NRF1: variants seen among roughly 807,000 people sequenced by gnomAD.
NRF1 encodes nuclear respiratory factor 1, also known as alpha palindromic-binding protein.
In NRF1, 5 loss-of-function variants were observed where a neutral mutation model predicts 58.5. The ratio of observed to expected loss-of-function variants is 0.09; its 90% CI spans 0.04 to 0.18. The LOEUF (loss-of-function observed/expected upper bound fraction) is 0.18. Ranked by LOEUF, NRF1 falls within the 10% of genes least tolerant of loss-of-function variation. NRF1 has a pLI of 1.00. For missense variants in NRF1, 288 were observed against 657.7 expected (o/e 0.44, Z 6.15); for synonymous variants, 224 against 246.7 (o/e 0.91, Z 0.86).
chr7:129,656,922 A>C (rs1412621973), intron 1 of NRF1, among the ~76,000 whole-genome samples: 4 of 152,182 alleles, frequency 2.6e-5, no homozygotes, highest in Admixed American at 2.0e-4. Flanking sequence ...TTTTGGGAAA[A>C]AAGTTATTTG....
At chr7:129,689,214 C>G (rs1020580046) in intron 4 of NRF1, among the ~76,000 whole-genome samples, 2 of 152,070 alleles carry the variant, frequency 1.3e-5, no homozygotes, top group African/African-American at 4.8e-5. Context: ...ACCATGTAGC[C>G]AGTAATAATA....
At chr7:129,719,459 G>A (rs1303267513) in intron 9 of NRF1, among the ~76,000 whole-genome samples, 2 of 148,984 alleles carry the variant, frequency 1.3e-5, no homozygotes, top group Non-Finnish European at 3.0e-5. Flanking sequence ...AAAGAAGTAT[G>A]GCCAGAGATT....
intron 4 of NRF1, among the ~76,000 whole-genome samples, chr7:129,682,652 A>G (rs890408238): frequency 1.7e-4 from 25 of 144,486 alleles, no homozygotes; most frequent in Non-Finnish European, 2.9e-4. Flanking sequence ...AAAAAAAAAA[A>G]GGATCTGGGT....
At chr7:129,695,393 A>G (rs1802664317) in intron 5 of NRF1, among the ~76,000 whole-genome samples, 2 of 152,152 alleles carry the variant, frequency 1.3e-5, no homozygotes, top group South Asian at 4.1e-4. Flanking sequence ...CCTGGCCAAC[A>G]TGGCAAAACC....
chr7:129,744,051 G>C, intron 10 of NRF1: 1 of 820,706 alleles, frequency 1.2e-6, no homozygotes, highest in Non-Finnish European at 1.9e-6. Context: ...TGGAAGGAGC[G>C]AGGCTGTGCA....
At chr7:129,742,383 A>G (rs2116299413) in intron 10 of NRF1, among the ~76,000 whole-genome samples, 1 of 151,958 alleles carries the variant, frequency 6.6e-6, no homozygotes, top group East Asian at 1.9e-4. Context: ...GCTGTGAGTG[A>G]GACTACAAAG....
chr7:129,690,333 T>C, intron 4 of NRF1, 73 bp from the exon 5 acceptor site: 2 of 1,523,906 alleles, frequency 1.3e-6, no homozygotes, highest in Non-Finnish European at 1.8e-6. Flanking sequence ...CCCCACCCAC[T>C]CTCTTGTTGC....
chr7:129,612,441 G>A (rs1192544796), intron 1 of NRF1, among the ~76,000 whole-genome samples: 1 of 152,212 alleles, frequency 6.6e-6, no homozygotes, highest in Non-Finnish European at 1.5e-5. Flanking sequence ...AGGTAGACTG[G>A]GGGACGCTGG....
intron 10 of NRF1, among the ~76,000 whole-genome samples, chr7:129,749,863 T>G (rs1355341023): frequency 6.6e-6 from 1 of 151,820 alleles, no homozygotes; most frequent in Non-Finnish European, 1.5e-5. Context: ...TACTTTTGAG[T>G]TCAAATAAAA....
At chr7:129,629,241 C>T (rs1800992992) in intron 1 of NRF1, among the ~76,000 whole-genome samples, 1 of 150,862 alleles carries the variant, frequency 6.6e-6, no homozygotes, top group African/African-American at 2.4e-5. Flanking sequence ...AAAAAAGCAG[C>T]TAATTCAGCT....
intron 8 of NRF1, among the ~76,000 whole-genome samples, chr7:129,712,060 A>T (rs1409682161): frequency 6.6e-6 from 1 of 152,246 alleles, no homozygotes; most frequent in African/African-American, 2.4e-5. Context: ...TGGGATAATT[A>T]TGGGACATTA....
At chr7:129,730,581 T>C (rs960143851) in intron 10 of NRF1, among the ~76,000 whole-genome samples, 5 of 152,154 alleles carry the variant, frequency 3.3e-5, no homozygotes, top group African/African-American at 1.2e-4. Context: ...AGAGGACCAC[T>C]GCATGTGGAG....
intron 4 of NRF1, among the ~76,000 whole-genome samples, chr7:129,681,352 G>A (rs772616747): frequency 6.6e-6 from 1 of 152,176 alleles, no homozygotes; most frequent in African/African-American, 2.4e-5. Context: ...GTGGTGATTT[G>A]TGGGAGCCAT....
At chr7:129,736,619 T>G (rs188897366) in intron 10 of NRF1, among the ~76,000 whole-genome samples, 3 of 133,330 alleles carry the variant, frequency 2.3e-5, no homozygotes, top group Non-Finnish European at 3.2e-5. Context: ...TATTTTTTTT[T>G]GGTATCTATA....
At position 129,756,440 on chromosome 7, in the gene NRF1, C is replaced by CAA. The variant is rs1804256697; in HGVS notation, c.*1259_*1260insAA. 6.6e-6 allele frequency: 1 copy of CAA among 152,436 alleles called. No homozygotes were observed. The highest frequency in any genetic ancestry group is 1.5e-5 in the Non-Finnish European group (1 of 68,126). 9.4% of individuals were successfully genotyped at this position (152,436 alleles called of 1,614,324 possible). ...CTGCTTCAGAAGGGACTCCTGGAGG[C>CAA]CCATGTTCCTTGATGCAACCTCGTG... On this transcript the variant is annotated 3_prime_UTR_variant, in exon 11 of 11. Transcript: ENST00000393232.
intron 1 of NRF1, among the ~76,000 whole-genome samples, chr7:129,612,106 C>T (rs1156749691): frequency 6.6e-6 from 1 of 150,446 alleles, no homozygotes; most frequent in Admixed American, 6.6e-5. Flanking sequence ...TTCCGGCCTC[C>T]TCCGCCGCCT....
chr7:129,709,972 C>T (rs992688934), intron 6 of NRF1, among the ~76,000 whole-genome samples: 3 of 152,240 alleles, frequency 2.0e-5, no homozygotes, highest in Non-Finnish European at 4.4e-5. Flanking sequence ...TCAGGCCATC[C>T]GCCCTCCTCA....
intron 1 of NRF1, among the ~76,000 whole-genome samples, chr7:129,619,652 C>G (rs1435069652): frequency 1.3e-5 from 2 of 149,442 alleles, no homozygotes; most frequent in Admixed American, 1.3e-4. Flanking sequence ...CCATGTCTCT[C>G]TGCAATGGGA....
intron 10 of NRF1, among the ~76,000 whole-genome samples, chr7:129,740,268 G>A (rs754216628): frequency 6.6e-6 from 1 of 152,192 alleles, no homozygotes; most frequent in Non-Finnish European, 1.5e-5. Flanking sequence ...TGGGGCATTG[G>A]AGGCATGCAG....
Sources: allele counts gnomAD v4.1 joint callset (sites outside exome capture counted in the v4.1 genomes callset), GRCh38; gene constraint gnomAD v4.1.1; transcripts MANE v1.5; gene names NCBI Gene and HGNC (gene_info 2026-07-23, HGNC 2026-07-21).